Variants in ZNF654 observed in about 807,000 individuals in gnomAD.
ZNF654 encodes the protein melanoma-associated antigen.
A neutral mutation model predicts 95.3 loss-of-function variants in ZNF654; 19 were observed. That is an observed-to-expected ratio of 0.20 (90% CI 0.14 to 0.29). The LOEUF (loss-of-function observed/expected upper bound fraction) is 0.29, where lower values mean the gene tolerates loss of function less well. Among genes scored for constraint, ZNF654 ranks in the 10% least tolerant of loss-of-function variants. The probability of loss-of-function intolerance (pLI) is 1.00; values close to 1 mark genes in which losing one functional copy is unlikely to be tolerated. For missense variants in ZNF654, 1,046 were observed against 1,341.0 expected (o/e 0.78, Z 3.44); for synonymous variants, 413 against 457.9 (o/e 0.90, Z 1.25).
At chr3:88,134,948 A>G (rs1184244324) in intron 6 of ZNF654, 113 bp from the exon 7 acceptor site, 9 of 666,706 alleles carry the variant, frequency 1.3e-5, no homozygotes. Flanking sequence ...CGTAATACAT[A>G]TTTACACTCA....
chr3:88,110,782 C>G (rs1559717055), intron 2 of ZNF654, among the ~76,000 whole-genome samples: 1 of 152,120 alleles, frequency 6.6e-6, no homozygotes, highest in Non-Finnish European at 1.5e-5. Flanking sequence ...GTTTCTAATT[C>G]TACGTGTATT....
At position 88,138,895 on chromosome 3, in the gene ZNF654, G is replaced by A. The variant is rs980794333; in HGVS notation, c.1226G>A (p.Arg409His). The change falls in exon 8 of 9, where the codon CGT becomes CAT. Residue 409 changes from arginine to histidine, a missense_variant. Physicochemically the swap from Arg to His is conservative, Grantham distance 29 (BLOSUM62 0). Transcript: ENST00000636215. The part of the protein sequence containing the change: ...FFLERSLEAY[R>H]TVEELYKRPD... ...CTGGAGCGCTCCTTAGAAGCGTATCGTACTGTTGAAGAGCTTTACAAACGT... is the reference window on the plus strand; with the variant it reads ...CTGGAGCGCTCCTTAGAAGCGTATCATACTGTTGAAGAGCTTTACAAACGT... 16 of 1,233,172 alleles carry A rather than the reference G, an allele frequency of 1.3e-5. No individual in the cohort carries two copies. The highest frequency in any genetic ancestry group is 8.4e-5 in the Admixed American group (2 of 23,786). 76.4% of individuals were successfully genotyped at this position (1,233,172 alleles called of 1,614,324 possible). A position where few individuals can be genotyped will look rare whatever the true frequency, so the allele number is the denominator to read the frequency against.
rs1316887020 is a variant in ZNF654, at chr3:88,142,718, TC to T, written c.*1068del. 2 of 152,432 alleles carry T rather than the reference TC, an allele frequency of 1.3e-5. No homozygotes were observed. Among genetic ancestry groups the T allele is most frequent in the African/African-American group, 4.8e-5 (2 of 41,536 alleles). The allele number at this position is 152,432 out of a possible 1,614,324, so 9.4% of individuals were successfully genotyped here. A position where few individuals can be genotyped will look rare whatever the true frequency, so the allele number is the denominator to read the frequency against. On this transcript the variant is annotated 3_prime_UTR_variant, in exon 9 of 9. Coordinates refer to ENST00000636215, the MANE Select transcript of ZNF654 (RefSeq NM_001350134.2). ...GTAATTCCAAAATAAGCCATACTAT[TC>T]CTGTTTTTTTAATTCATTAGTGATG...
intron 1 of ZNF654, among the ~76,000 whole-genome samples, chr3:88,062,571 A>G (rs1706945908): frequency 6.6e-6 from 1 of 152,220 alleles, no homozygotes; most frequent in Admixed American, 6.5e-5. Flanking sequence ...GAAAGTTTTA[A>G]TAATTCAATT....
At chr3:88,095,447 C>T (rs544910623) in intron 2 of ZNF654, 11 of 356,978 alleles carry the variant, frequency 3.1e-5, no homozygotes, top group South Asian at 2.5e-4. Context: ...TTTCTGTATC[C>T]TCAAGGTACG....
chr3:88,120,109 CATAT>C (rs1428571101), intron 3 of ZNF654, among the ~76,000 whole-genome samples: 1 of 151,616 alleles, frequency 6.6e-6, no homozygotes, highest in Non-Finnish European at 1.5e-5. Flanking sequence ...TATAGGCATT[CATAT>C]ATTTTTATAA....
intron 2 of ZNF654, among the ~76,000 whole-genome samples, chr3:88,112,225 TC>T (rs1384613206): frequency 2.0e-5 from 3 of 151,744 alleles, no homozygotes; most frequent in Non-Finnish European, 3.0e-5. Context: ...GCATATATAT[TC>T]TCATGTTTAC....
At chr3:88,137,859 T>G (rs1706890500) in intron 7 of ZNF654, among the ~76,000 whole-genome samples, 1 of 152,172 alleles carries the variant, frequency 6.6e-6, no homozygotes, top group Non-Finnish European at 1.5e-5. Flanking sequence ...TATTCCTCCC[T>G]GTAATCTATA....
chr3:88,100,192 G>A (rs1427230558), intron 2 of ZNF654, among the ~76,000 whole-genome samples: 3 of 152,164 alleles, frequency 2.0e-5, no homozygotes, highest in Admixed American at 6.5e-5. Context: ...CTCAAAAGAA[G>A]ACATTTATGC....
intron 5 of ZNF654, among the ~76,000 whole-genome samples, chr3:88,129,321 TAAAAAAAAAAAAAAA>T (rs11370327): frequency 5.2e-5 from 4 of 76,948 alleles, no homozygotes; most frequent in Non-Finnish European, 7.2e-5. Flanking sequence ...TTGCCAGGAG[TAAAAAAAAAAAAAAA>T]AAAAAAAAAC....
chr3:88,135,661 G>T (rs746178026), intron 7 of ZNF654, among the ~76,000 whole-genome samples: 6 of 152,070 alleles, frequency 3.9e-5, no homozygotes, highest in Non-Finnish European at 8.8e-5. Flanking sequence ...TTTATTTGAA[G>T]TAATTGTAAA....
At chr3:88,124,822 G>A (rs1317990072) in intron 3 of ZNF654, among the ~76,000 whole-genome samples, 3 of 149,598 alleles carry the variant, frequency 2.0e-5, no homozygotes, top group African/African-American at 7.4e-5. Context: ...TTTTCTTAAC[G>A]CTTTAAGCTC....
At chr3:88,132,672 G>C (rs1019403107) in intron 6 of ZNF654, among the ~76,000 whole-genome samples, 1 of 152,192 alleles carries the variant, frequency 6.6e-6, no homozygotes, top group Non-Finnish European at 1.5e-5. Context: ...GGATATTGCA[G>C]TGTACCTATT....
At chr3:88,086,141 A>G in intron 1 of ZNF654, 116 bp from the exon 2 acceptor site, 1 of 821,578 alleles carries the variant, frequency 1.2e-6, no homozygotes, top group South Asian at 1.9e-5. Context: ...CCCTCCAGTC[A>G]CCTGTGTTCA....
intron 3 of ZNF654, among the ~76,000 whole-genome samples, chr3:88,115,410 A>G (rs1344779428): frequency 6.6e-6 from 1 of 152,230 alleles, no homozygotes; most frequent in Non-Finnish European, 1.5e-5. Flanking sequence ...TACTTGCTGC[A>G]TAGTCACTTT....
chr3:88,106,193 A>G (rs1204138103), intron 2 of ZNF654, among the ~76,000 whole-genome samples: 1 of 152,044 alleles, frequency 6.6e-6, no homozygotes, highest in African/African-American at 2.4e-5. Context: ...CTTGAAGCCC[A>G]TCTGTGTTTG....
chr3:88,139,826 A>C lies in ZNF654; in HGVS notation c.2157A>C (p.Gln719His). ...AAGAAGATGATTATGACCTGAATCAAGAAACTTCAGTAATTCATAAAATCA... is the reference window on the plus strand; with the variant it reads ...AAGAAGATGATTATGACCTGAATCACGAAACTTCAGTAATTCATAAAATCA... ...DYEEDDYDLN[Q>H]ETSVIHKING... Residue 719 changes from glutamine (Q) to histidine (H), a missense_variant, in exon 8 of 9, where the codon CAA becomes CAC. Gln to His is a conservative substitution (Grantham distance 24, BLOSUM62 0). Transcript: ENST00000636215. 1 of 1,568,974 alleles carries C rather than the reference A, an allele frequency of 6.4e-7. No individual in the cohort carries two copies. Among genetic ancestry groups the C allele is most frequent in the Non-Finnish European group, 8.6e-7 (1 of 1,156,186 alleles).
chr3:88,100,824 C>G (rs4241551), intron 2 of ZNF654, among the ~76,000 whole-genome samples: 119,003 of 151,872 alleles, frequency 0.78, 47,537 homozygotes, highest in South Asian at 0.91. Context: ...GTGGGGAAAG[C>G]GGGGAGGGAT....
chr3:88,116,021 G>T (rs757914689), intron 3 of ZNF654, among the ~76,000 whole-genome samples: 3 of 152,082 alleles, frequency 2.0e-5, no homozygotes, highest in Non-Finnish European at 4.4e-5. Context: ...AGATAATATA[G>T]AGAGAAAGAG....
Sources: gnomAD v4.1 joint callset for allele counts (sites outside exome capture counted in the v4.1 genomes callset) on GRCh38, gnomAD v4.1.1 for gene constraint, MANE v1.5 for transcripts, NCBI Gene and HGNC (gene_info 2026-07-23, HGNC 2026-07-21) for gene names.